CACNA1E: variants seen among roughly 807,000 people sequenced by gnomAD.
The protein encoded by CACNA1E is calcium voltage-gated channel subunit alpha1 E, also known as voltage-dependent R-type calcium channel subunit alpha-1E.
CACNA1E carries 40 observed loss-of-function variants against 259.2 expected under a neutral mutation model. The observed-to-expected ratio is 0.15, with a 90% confidence interval of 0.12 to 0.20. The LOEUF (loss-of-function observed/expected upper bound fraction) is 0.20, where lower values mean the gene tolerates loss of function less well. Among genes scored for constraint, CACNA1E ranks in the 10% least tolerant of loss-of-function variants. CACNA1E has a pLI of 1.00. For synonymous variants in CACNA1E, 1,104 were observed against 1,138.5 expected (o/e 0.97, Z 0.61); for missense variants, 1,874 against 3,040.1 (o/e 0.62, Z 9.02).
At position 181,739,168 on chromosome 1, in the gene CACNA1E, C is replaced by G; in HGVS notation, c.3634C>G (p.Leu1212Val). 1 of 1,612,738 alleles carries G rather than the reference C, an allele frequency of 6.2e-7. No individual in the cohort carries two copies. Among genetic ancestry groups the G allele is most frequent in the Non-Finnish European group, 8.5e-7 (1 of 1,178,718 alleles). The part of the protein sequence containing the change: ...VIKMIDQGLI[L>V]QDGSYFRDLW... Reference sequence around the variant, plus strand: ...GCAGATGATAGACCAAGGCTTGATCCTGCAGGATGGGTCCTACTTCCGAGA... The same window carrying G: ...GCAGATGATAGACCAAGGCTTGATCGTGCAGGATGGGTCCTACTTCCGAGA... The change falls in exon 25 of 48, where the codon CTG (leucine) becomes GTG (valine). Residue 1212 changes from leucine to valine, a missense_variant. By Grantham distance (32) the Leu-to-Val change is conservative. Coordinates refer to ENST00000367573, the MANE Select transcript of CACNA1E (RefSeq NM_001205293.3).
chr1:181,509,310 G>T (rs976225114), intron 1 of CACNA1E, among the ~76,000 whole-genome samples: 4 of 152,156 alleles, frequency 2.6e-5, no homozygotes, highest in African/African-American at 9.7e-5. Context: ...CAGGATGGGG[G>T]CATTGCAGGG....
At chr1:181,499,788 A>G (rs1030868522) in intron 1 of CACNA1E, among the ~76,000 whole-genome samples, 4 of 152,214 alleles carry the variant, frequency 2.6e-5, no homozygotes, top group African/African-American at 7.2e-5. Context: ...AGGTGATTCT[A>G]TGGTCCAGCC....
At chr1:181,690,157 G>A (rs938992134) in intron 7 of CACNA1E, among the ~76,000 whole-genome samples, 6 of 150,654 alleles carry the variant, frequency 4.0e-5, no homozygotes, top group Middle Eastern at 3.4e-3. Flanking sequence ...TTTGTATAAG[G>A]TGTAAGGAAG....
At position 181,325,040 on chromosome 1, in the gene CACNA1E, C is replaced by T. The variant is rs150877789; in HGVS notation, c.-15+6917C>T. Among the ~76,000 whole-genome samples, 578 of 152,270 alleles carry T rather than the reference C, an allele frequency of 3.8e-3. 1 individual carries two copies. Among genetic ancestry groups the T allele is most frequent in the Non-Finnish European group, 6.7e-3 (458 of 68,018 alleles). ...CAGCTCTCTCTTCTCTCCAGCCCATCGTGCTCAGAGGGGCTCTCAGTCCAC... is the reference window on the plus strand; with the variant it reads ...CAGCTCTCTCTTCTCTCCAGCCCATTGTGCTCAGAGGGGCTCTCAGTCCAC... On this transcript the variant is annotated intron_variant, in intron 1 of 11. Coordinates refer to the CACNA1E transcript ENST00000524607.
intron 3 of CACNA1E, 47 bp from the exon 4 acceptor site, chr1:181,577,719 G>A (rs1395018331): frequency 7.5e-7 from 1 of 1,329,896 alleles, no homozygotes; most frequent in East Asian, 2.5e-5. Context: ...GAACAAGAGG[G>A]GAAAACCAGA....
At chr1:181,545,020 A>G (rs115536414) in intron 3 of CACNA1E, among the ~76,000 whole-genome samples, 367 of 152,320 alleles carry the variant, frequency 2.4e-3, no homozygotes, top group African/African-American at 8.6e-3. Context: ...CCCAGAGGGT[A>G]AGGAATCTGC....
chr1:181,778,727 G>T (rs1388256120), intron 38 of CACNA1E, among the ~76,000 whole-genome samples: 1 of 152,170 alleles, frequency 6.6e-6, no homozygotes, highest in Non-Finnish European at 1.5e-5. Flanking sequence ...CAGCCAAGCT[G>T]CTGTTGGCTG....
intron 1 of CACNA1E, among the ~76,000 whole-genome samples, chr1:181,388,254 G>A (rs1655995100): frequency 6.6e-6 from 1 of 152,200 alleles, no homozygotes; most frequent in African/African-American, 2.4e-5. Context: ...CTCCTTATCT[G>A]CGGTAACGTT....
chr1:181,523,488 C>G (rs1046099034), intron 3 of CACNA1E, among the ~76,000 whole-genome samples: 2 of 152,136 alleles, frequency 1.3e-5, no homozygotes, highest in Non-Finnish European at 2.9e-5. Context: ...GCTTCATAGA[C>G]AAGCAAACCT....
At chr1:181,461,442 G>A (rs1006745125) in intron 2 of CACNA1E, among the ~76,000 whole-genome samples, 3 of 150,962 alleles carry the variant, frequency 2.0e-5, no homozygotes, top group Admixed American at 2.0e-4. Flanking sequence ...TCGGGAGGCT[G>A]AGGCAGGAGA....
At chr1:181,677,469 C>G (rs1034325419) in intron 7 of CACNA1E, among the ~76,000 whole-genome samples, 1 of 152,170 alleles carries the variant, frequency 6.6e-6, no homozygotes. Flanking sequence ...TCCAGCAATT[C>G]TAGCACCTTA....
intron 1 of CACNA1E, among the ~76,000 whole-genome samples, chr1:181,501,046 C>T (rs776755071): frequency 6.6e-6 from 1 of 152,186 alleles, no homozygotes; most frequent in Non-Finnish European, 1.5e-5. Context: ...CACAAATTCT[C>T]GTTTCTGAAA....
intron 25 of CACNA1E, among the ~76,000 whole-genome samples, chr1:181,741,776 C>T (rs916013767): frequency 6.6e-5 from 10 of 152,156 alleles, no homozygotes; most frequent in African/African-American, 2.4e-4. Context: ...GTGGCTTTGG[C>T]GCTGGTGGCA....
chr1:181,481,785 G>A (rs189582666), upstream of CACNA1E, among the ~76,000 whole-genome samples: 7 of 152,006 alleles, frequency 4.6e-5, no homozygotes, highest in Non-Finnish European at 8.8e-5. Context: ...TTTCCCTGGG[G>A]CTTGGAGTCC....
intron 6 of CACNA1E, among the ~76,000 whole-genome samples, chr1:181,611,299 C>A (rs1292700578): frequency 6.6e-6 from 1 of 152,122 alleles, no homozygotes; most frequent in East Asian, 1.9e-4. Flanking sequence ...GTCAACTGAT[C>A]TTTATTGCAT....
intron 1 of CACNA1E, among the ~76,000 whole-genome samples, chr1:181,384,197 A>G (rs1655670586): frequency 6.6e-6 from 1 of 152,218 alleles, no homozygotes; most frequent in Admixed American, 6.5e-5. Context: ...AGTGAAGTAC[A>G]TGAGAAATCA....
At chr1:181,735,382 C>T (rs775503329) in intron 21 of CACNA1E, among the ~76,000 whole-genome samples, 1 of 152,258 alleles carries the variant, frequency 6.6e-6, no homozygotes, top group Non-Finnish European at 1.5e-5. Context: ...ATGACTTACT[C>T]TTTAGGAGGC....
chr1:181,625,371 C>T (rs776543864), intron 6 of CACNA1E, among the ~76,000 whole-genome samples: 20 of 152,172 alleles, frequency 1.3e-4, no homozygotes, highest in Non-Finnish European at 2.6e-4. Flanking sequence ...ATGGCAGCTT[C>T]TTGCAATATG....
At chr1:181,578,574 A>G (rs1422523460) in intron 4 of CACNA1E, among the ~76,000 whole-genome samples, 2 of 152,208 alleles carry the variant, frequency 1.3e-5, no homozygotes, top group East Asian at 3.9e-4. Context: ...CTCAAAACAA[A>G]AAAATTCTTA....
Sources: allele counts gnomAD v4.1 joint callset (sites outside exome capture counted in the v4.1 genomes callset), GRCh38; gene constraint gnomAD v4.1.1; transcripts MANE v1.5; gene names NCBI Gene and HGNC (gene_info 2026-07-23, HGNC 2026-07-21).